IQCM: variants seen among roughly 807,000 people sequenced by gnomAD.
IQCM encodes the protein IQ motif containing M.
A neutral mutation model predicts 57.6 loss-of-function variants in IQCM; 45 were observed. The observed-to-expected ratio is 0.78, with a 90% CI of 0.62 to 1.00. The LOEUF is 1.00. Ranked by LOEUF, IQCM falls within the 50% of genes least tolerant of loss-of-function variation. The pLI, the probability that IQCM is intolerant of heterozygous loss-of-function variation, is 0.00. For synonymous variants in IQCM, 148 were observed against 158.9 expected, an observed-to-expected ratio of 0.93 and a Z score of 0.51; for missense variants, 468 against 511.6, an observed-to-expected ratio of 0.91 and a Z score of 0.82.
In IQCM at chr4:149,368,942, ATGTG is replaced by A. The variant is rs1239117380; in HGVS notation, c.1391-16880_1391-16877del. 5.1e-4 allele frequency among the ~76,000 whole-genome samples: 35 copies of A among 68,834 alleles called. 6 individuals are homozygous for A. The highest frequency in any genetic ancestry group is 3.4e-3 in the South Asian group (10 of 2,908). The allele number at this position is 68,834 out of a possible 152,430, so 45.2% of individuals were successfully genotyped here. A position where few individuals can be genotyped will look rare whatever the true frequency, so the allele number is the denominator to read the frequency against. On this transcript the variant is annotated intron_variant, in intron 13 of 13. Coordinates refer to ENST00000636793, the MANE Select transcript of IQCM (RefSeq NM_001363507.2). ...TGTATATATATACACGTGTATATAT[ATGTG>A]TATATATATACACGTGTATATATAT...
chr4:149,371,691 T>C (rs1365371385), intron 13 of IQCM, among the ~76,000 whole-genome samples: 1 of 152,206 alleles, frequency 6.6e-6, no homozygotes, highest in East Asian at 1.9e-4. Context: ...CTGTCCCTGA[T>C]TCTCCAAGAT....
At chr4:149,677,471 T>C (rs945116267) in intron 7 of IQCM, among the ~76,000 whole-genome samples, 1 of 152,014 alleles carries the variant, frequency 6.6e-6, no homozygotes, top group Non-Finnish European at 1.5e-5. Context: ...AGGTGCCATC[T>C]AGAACTGAAA....
rs1752707434 is a variant in IQCM, at chr4:149,586,991, G to A, written c.749+939C>T. 2.0e-5 allele frequency among the ~76,000 whole-genome samples: 3 copies of A among 151,620 alleles called. No individual in the cohort carries two copies. In the Admixed American group the frequency reaches 2.0e-4, roughly 10 times the overall value. ...GTCTTTTCTACACATGCACAATTCA[G>A]GAGTCAGCCCATAATTTTAGAAGAG... On this transcript the variant is annotated intron_variant, in intron 9 of 13. Transcript: ENST00000636793.
At chr4:149,757,108 A>C (rs1769041802) in intron 2 of IQCM, among the ~76,000 whole-genome samples, 1 of 152,032 alleles carries the variant, frequency 6.6e-6, no homozygotes, top group African/African-American at 2.4e-5. Context: ...AATACAAAAA[A>C]TTAGCCGGGC....
chr4:149,468,585 T>C (rs1739135989), intron 12 of IQCM, among the ~76,000 whole-genome samples: 1 of 66 alleles, frequency 0.015, no homozygotes, highest in African/African-American at 0.042. Flanking sequence ...CAGAAACTTC[T>C]GCAGATTAAA....
At chr4:149,568,554 C>T (rs2726749) in intron 9 of IQCM, among the ~76,000 whole-genome samples, 35,730 of 151,942 alleles carry the variant, frequency 0.24, 4,780 homozygotes, top group Non-Finnish European at 0.29. Flanking sequence ...AGGGAGGCTG[C>T]GGCAGGTGGA....
intron 12 of IQCM, among the ~76,000 whole-genome samples, chr4:149,436,066 A>G (rs1735336549): frequency 6.6e-6 from 1 of 152,114 alleles, no homozygotes; most frequent in Admixed American, 6.6e-5. Context: ...GTGTACAGTC[A>G]TGTCCTAGGC....
chr4:149,595,881 T>G (rs139465004), intron 8 of IQCM, among the ~76,000 whole-genome samples: 711 of 152,254 alleles, frequency 4.7e-3, no homozygotes, highest in Middle Eastern at 0.017. Flanking sequence ...TAGTATTCCC[T>G]TTATTTACAT....
At chr4:149,614,956 C>T (rs1046643531) in intron 8 of IQCM, among the ~76,000 whole-genome samples, 1 of 152,180 alleles carries the variant, frequency 6.6e-6, no homozygotes, top group African/African-American at 2.4e-5. Context: ...TCCTGTCATA[C>T]TGACAGCTAA....
chr4:149,748,368 C>T (rs972151877), intron 2 of IQCM, among the ~76,000 whole-genome samples: 7 of 152,154 alleles, frequency 4.6e-5, no homozygotes, highest in African/African-American at 1.4e-4. Context: ...CAAATATTCC[C>T]AGCTTACATG....
At chr4:149,765,980 C>A (rs115745391) in intron 2 of IQCM, among the ~76,000 whole-genome samples, 1 of 152,024 alleles carries the variant, frequency 6.6e-6, no homozygotes, top group Non-Finnish European at 1.5e-5. Context: ...ATTTCCTAGC[C>A]CCCTGCCCGC....
intron 7 of IQCM, among the ~76,000 whole-genome samples, chr4:149,654,341 A>G (rs908926236): frequency 6.6e-6 from 1 of 151,970 alleles, no homozygotes; most frequent in African/African-American, 2.4e-5. Context: ...ATGGGGGTGG[A>G]TCCCTCATGA....
At chr4:149,603,339 T>C (rs532875738) in intron 8 of IQCM, among the ~76,000 whole-genome samples, 1 of 152,292 alleles carries the variant, frequency 6.6e-6, no homozygotes, top group South Asian at 2.1e-4. Context: ...GGTTCAAGAG[T>C]AAAACTGGAA....
chr4:149,649,995 C>T (rs1759008835), intron 7 of IQCM, among the ~76,000 whole-genome samples: 1 of 152,222 alleles, frequency 6.6e-6, no homozygotes, highest in South Asian at 2.1e-4. Flanking sequence ...AAAAAATAAA[C>T]TATGAATGAG....
At position 149,658,102 on chromosome 4, in the gene IQCM, A is replaced by G. The variant is rs533643246; in HGVS notation, c.565+24016T>C. On this transcript the variant is annotated intron_variant, in intron 7 of 13. Coordinates refer to ENST00000636793, the MANE Select transcript of IQCM (RefSeq NM_001363507.2). ...CTTGCCCAGCTCAATGCTGTGAAGC[A>G]TTTTCCTTATGTTATCTTCTAGTAC... 4.6e-5 allele frequency among the ~76,000 whole-genome samples: 7 copies of G among 151,936 alleles called. No individual in the cohort carries two copies. In the East Asian group the frequency reaches 1.4e-3, roughly 29 times the overall value.
chr4:149,674,095 G>A (rs1761544555), intron 7 of IQCM, among the ~76,000 whole-genome samples: 1 of 152,022 alleles, frequency 6.6e-6, no homozygotes, highest in Admixed American at 6.6e-5. Flanking sequence ...TCTTTGCAGA[G>A]TTGTTCACCA....
At chr4:149,673,674 G>T (rs1761507847) in intron 7 of IQCM, among the ~76,000 whole-genome samples, 1 of 152,006 alleles carries the variant, frequency 6.6e-6, no homozygotes, top group Non-Finnish European at 1.5e-5. Flanking sequence ...AATAATAATG[G>T]GAGACTTTAA....
chr4:149,578,653 T>C (rs1751884602), intron 9 of IQCM, among the ~76,000 whole-genome samples: 1 of 151,842 alleles, frequency 6.6e-6, no homozygotes, highest in Non-Finnish European at 1.5e-5. Flanking sequence ...TAAGATTCCT[T>C]ATCCCTAGAA....
At chr4:149,781,881 A>G (rs1771637080) in intron 2 of IQCM, among the ~76,000 whole-genome samples, 1 of 152,216 alleles carries the variant, frequency 6.6e-6, no homozygotes, top group African/African-American at 2.4e-5. Context: ...GATCTTGGCA[A>G]AAGCATAAAA....
Sources: gnomAD v4.1 joint callset for allele counts (sites outside exome capture counted in the v4.1 genomes callset) on GRCh38, gnomAD v4.1.1 for gene constraint, MANE v1.5 for transcripts, NCBI Gene and HGNC (gene_info 2026-07-23, HGNC 2026-07-21) for gene names.